IFT88: variants seen among roughly 807,000 people sequenced by gnomAD.
IFT88 encodes intraflagellar transport protein 88 homolog.
A neutral mutation model predicts 119.5 loss-of-function variants in IFT88; 74 were observed. The ratio of observed to expected loss-of-function variants is 0.62; its 90% CI spans 0.51 to 0.75. IFT88 has a LOEUF of 0.75. Among genes scored for constraint, IFT88 ranks in the 30% least tolerant of loss-of-function variants. IFT88 has a pLI of 0.00. For missense variants in IFT88, 961 were observed against 977.7 expected (o/e 0.98, Z 0.23); for synonymous variants, 279 against 316.7 (o/e 0.88, Z 1.26).
At chr13:20,606,836 G>A (rs998885662) in intron 13 of IFT88, among the ~76,000 whole-genome samples, 1 of 152,156 alleles carries the variant, frequency 6.6e-6, no homozygotes, top group Non-Finnish European at 1.5e-5. Context: ...TGCTAAGATA[G>A]TGCTACTGCA....
intron 15 of IFT88, among the ~76,000 whole-genome samples, chr13:20,628,274 C>T (rs967494092): frequency 6.6e-6 from 1 of 151,726 alleles, no homozygotes; most frequent in Non-Finnish European, 1.5e-5. Flanking sequence ...TGTTTGTAGC[C>T]ACTTTTGTAA....
intron 24 of IFT88, among the ~76,000 whole-genome samples, chr13:20,676,845 C>CAT (rs1193723230): frequency 6.6e-6 from 1 of 152,162 alleles, no homozygotes; most frequent in Admixed American, 6.5e-5. Context: ...CACATACATA[C>CAT]ATATATATGC....
At chr13:20,621,589 C>CTTT (rs141994987) in intron 14 of IFT88, among the ~76,000 whole-genome samples, 3 of 138,562 alleles carry the variant, frequency 2.2e-5, no homozygotes, top group African/African-American at 8.3e-5. Flanking sequence ...AATCCAAAGA[C>CTTT]TTTTTTTTTA....
chr13:20,677,352 T>A (rs771569478), intron 24 of IFT88, among the ~76,000 whole-genome samples: 2 of 152,206 alleles, frequency 1.3e-5, no homozygotes, highest in Non-Finnish European at 2.9e-5. Context: ...AAGAATGAGC[T>A]GAAATTCTCA....
chr13:20,602,284 A>G (rs941808793), intron 12 of IFT88, among the ~76,000 whole-genome samples: 7 of 140,920 alleles, frequency 5.0e-5, no homozygotes, highest in African/African-American at 1.9e-4. Flanking sequence ...AGCTCACTGC[A>G]ATCTCTGCCT....
intron 17 of IFT88, 111 bp downstream of exon 17, chr13:20,638,629 C>A: frequency 1.7e-6 from 1 of 577,788 alleles, no homozygotes; most frequent in Non-Finnish European, 2.7e-6. Flanking sequence ...AGTTGACTTC[C>A]TTCTAACGGA....
chr13:20,582,886 A>G (rs879074610), intron 2 of IFT88, 71 bp from the exon 3 acceptor site: 1 of 1,162,706 alleles, frequency 8.6e-7, no homozygotes, highest in South Asian at 1.3e-5. Flanking sequence ...AGTACCAAAC[A>G]GCAGTTTAAA....
At chr13:20,580,530 C>CA (rs1228660321) in intron 2 of IFT88, among the ~76,000 whole-genome samples, 7 of 150,724 alleles carry the variant, frequency 4.6e-5, no homozygotes, top group South Asian at 4.2e-4. Flanking sequence ...GAGTCCCTCT[C>CA]AAAAAAAATA....
At chr13:20,590,307 T>C (rs1334460959) in intron 4 of IFT88, among the ~76,000 whole-genome samples, 2 of 152,150 alleles carry the variant, frequency 1.3e-5, no homozygotes. Flanking sequence ...AGGAAAGATA[T>C]ATCAAACTCT....
chr13:20,633,082 GA>G (rs1456344150), intron 16 of IFT88, among the ~76,000 whole-genome samples: 2 of 152,166 alleles, frequency 1.3e-5, no homozygotes. Flanking sequence ...CTGATTGGGG[GA>G]AAAGATGTTG....
At chr13:20,588,557 CTATT>C (rs1195059864) in intron 3 of IFT88, among the ~76,000 whole-genome samples, 3 of 152,164 alleles carry the variant, frequency 2.0e-5, no homozygotes, top group African/African-American at 7.2e-5. Context: ...CCACATGAAA[CTATT>C]TACATTTACA....
intron 1 of IFT88, chr13:20,567,864 G>GT (rs1433786156): frequency 8.3e-5 from 74 of 887,670 alleles, no homozygotes; most frequent in Non-Finnish European, 8.8e-5. Context: ...AGTTTTTTTT[G>GT]TTTGTTTTTT....
At chr13:20,645,893 ATTTCT>A (rs767176990) in intron 20 of IFT88, among the ~76,000 whole-genome samples, 1 of 152,216 alleles carries the variant, frequency 6.6e-6, no homozygotes, top group Non-Finnish European at 1.5e-5. Context: ...TTTCACATAA[ATTTCT>A]TTTGAGAATT....
At chr13:20,679,955 G>A (rs1279908715) in intron 24 of IFT88, among the ~76,000 whole-genome samples, 8 of 152,124 alleles carry the variant, frequency 5.3e-5, no homozygotes, top group Admixed American at 3.9e-4. Context: ...GTGACCATTA[G>A]CTACAGATTG....
chr13:20,597,896 G>A (rs530527044), intron 9 of IFT88, among the ~76,000 whole-genome samples: 12 of 151,592 alleles, frequency 7.9e-5, no homozygotes, highest in South Asian at 2.1e-4. Flanking sequence ...TAGACTTTTC[G>A]GTCAGTGATT....
Position 20,567,864 on chromosome 13 carries a change from G to T in IFT88, c.-7+608G>T, listed in dbSNP as rs145788041. 1.6e-3 allele frequency: 1,434 copies of T among 887,642 alleles called. 21 individuals are homozygous for T. In the East Asian group the frequency reaches 0.033, roughly 20 times the overall value. 55.0% of individuals were successfully genotyped at this position (887,642 alleles called of 1,614,324 possible). On this transcript the variant is annotated intron_variant, in intron 1 of 25. Coordinates refer to ENST00000351808, the MANE Select transcript of IFT88 (RefSeq NM_006531.5). ...GATTTTCTGGTTGTGAGTTTTTTTT[G>T]TTTGTTTTTTTTTTTTCGAGAAACT... is the stretch of plus-strand genomic sequence containing the variant.
At chr13:20,567,857 T>A in intron 1 of IFT88, 1 of 1,012,712 alleles carries the variant, frequency 9.9e-7, no homozygotes, top group Non-Finnish European at 1.4e-6. Context: ...GGTTGTGAGT[T>A]TTTTTTGTTT....
At chr13:20,647,865 A>G (rs2050979041) in intron 20 of IFT88, among the ~76,000 whole-genome samples, 1 of 152,208 alleles carries the variant, frequency 6.6e-6, no homozygotes, top group Non-Finnish European at 1.5e-5. Context: ...AATTCTATGT[A>G]GGAAAAACAC....
intron 1 of IFT88, chr13:20,567,655 T>TA: frequency 1.1e-6 from 1 of 908,404 alleles, no homozygotes; most frequent in Non-Finnish European, 1.4e-6. Context: ...CATCGCTCTT[T>TA]AATTTTCTTG....
Sources: allele counts gnomAD v4.1 joint callset (sites outside exome capture counted in the v4.1 genomes callset), GRCh38; gene constraint gnomAD v4.1.1; transcripts MANE v1.5; gene names NCBI Gene and HGNC (gene_info 2026-07-23, HGNC 2026-07-21).